Variants in ZNF223 observed in about 807,000 individuals in gnomAD.
ZNF223 encodes the protein zinc finger protein 223.
Under a neutral mutation model 12.3 loss-of-function variants are expected in ZNF223, and 9 were observed. That is an observed-to-expected ratio of 0.73 (90% CI 0.44 to 1.28). The LOEUF is 1.28. ZNF223 is among the 50% of genes most tolerant of loss of function. The probability of loss-of-function intolerance (pLI) is 0.00; values close to 1 mark genes in which losing one functional copy is unlikely to be tolerated. For synonymous variants in ZNF223, 171 were observed against 195.2 expected, an observed-to-expected ratio of 0.88 and a Z score of 1.03; for missense variants, 506 against 579.0, an observed-to-expected ratio of 0.87 and a Z score of 1.29.
intron 4 of ZNF223, among the ~76,000 whole-genome samples, chr19:44,062,138 C>A (rs372803845): frequency 6.6e-6 from 1 of 152,130 alleles, no homozygotes; most frequent in African/African-American, 2.4e-5. Context: ...CTGTAGGAAT[C>A]ATGGAGCTAG....
intron 4 of ZNF223, 125 bp downstream of exon 4, chr19:44,060,966 C>A: frequency 1.0e-6 from 1 of 976,676 alleles, no homozygotes; most frequent in East Asian, 2.4e-5. Context: ...TAACCTCCTT[C>A]CAGCTAGTGG....
intron 2 of ZNF223, among the ~76,000 whole-genome samples, chr19:44,059,331 T>A (rs1464252614): frequency 6.6e-6 from 1 of 152,180 alleles, no homozygotes; most frequent in Non-Finnish European, 1.5e-5. Flanking sequence ...TCTGCTGCCT[T>A]ACACCAGTTA....
In ZNF223 at chr19:44,066,507, A is replaced by G; in HGVS notation, c.679A>G (p.Thr227Ala). The change falls in exon 5 of 5, where the codon ACT becomes GCT. Residue 227 changes from threonine (T) to alanine (A), a missense_variant. Transcript: ENST00000434772. ...LHLQTHQRVH[T>A]GEKPFKCEQC... ...TCTGCAAACTCATCAGAGAGTCCAT[A>G]CTGGAGAGAAACCTTTCAAATGTGA... 2 of 1,614,226 alleles carry G rather than the reference A, an allele frequency of 1.2e-6. No homozygotes were observed. Among genetic ancestry groups the G allele is most frequent in the Non-Finnish European group, 1.7e-6 (2 of 1,180,028 alleles).
Position 44,066,411 on chromosome 19 carries a change from C to G in ZNF223, c.583C>G (p.Gln195Glu). The change falls in exon 5 of 5, where the codon CAG becomes GAG. Residue 195 changes from glutamine (Q) to glutamate (E), a missense_variant. By Grantham distance (29) the Gln-to-Glu change is conservative (BLOSUM62 2). Coordinates refer to ENST00000434772, the MANE Select transcript of ZNF223 (RefSeq NM_013361.6). ...TTACATCTCAGCGCTTCATATTCAT[C>G]AGAGAGTCCACCTGGGAGAGAAACT... The part of the protein sequence containing the change: ...FCYISALHIH[Q>E]RVHLGEKLFK... The G allele has an allele frequency of 6.2e-7, 1 of 1,612,874 alleles. No homozygotes were observed. The highest frequency in any genetic ancestry group is 2.2e-5 in the East Asian group (1 of 44,870).
At chr19:44,065,020 C>T (rs1426138938) in intron 4 of ZNF223, among the ~76,000 whole-genome samples, 2 of 152,144 alleles carry the variant, frequency 1.3e-5, no homozygotes, top group East Asian at 3.8e-4. Context: ...GACCTAAAGA[C>T]CTACATTAAA....
intron 2 of ZNF223, among the ~76,000 whole-genome samples, chr19:44,057,375 A>AT (rs1976783032): frequency 6.6e-6 from 1 of 152,220 alleles, no homozygotes; most frequent in Non-Finnish European, 1.5e-5. Flanking sequence ...ACTACTTACC[A>AT]TATCATCTTG....
At chr19:44,064,320 A>T (rs1976877893) in intron 4 of ZNF223, among the ~76,000 whole-genome samples, 1 of 152,178 alleles carries the variant, frequency 6.6e-6, no homozygotes, top group Non-Finnish European at 1.5e-5. Context: ...GTGATTCTTC[A>T]CATCATTGAT....
intron 4 of ZNF223, among the ~76,000 whole-genome samples, chr19:44,064,740 A>G (rs142343608): frequency 4.1e-4 from 62 of 152,260 alleles, no homozygotes; most frequent in African/African-American, 1.4e-3. Flanking sequence ...CAAGCAAAAG[A>G]TGCATATTAT....
chr19:44,056,570 A>G (rs1248355187), intron 2 of ZNF223, among the ~76,000 whole-genome samples: 1 of 138,536 alleles, frequency 7.2e-6, no homozygotes, highest in Non-Finnish European at 1.5e-5. Flanking sequence ...TCCTTATGGC[A>G]TAAAATGCCT....
chr19:44,061,528 G>A (rs1976839006), intron 4 of ZNF223, among the ~76,000 whole-genome samples: 1 of 152,162 alleles, frequency 6.6e-6, no homozygotes, highest in Admixed American at 6.5e-5. Flanking sequence ...CCAGAGTCAT[G>A]CTCCCTCTGC....
Position 44,066,418 on chromosome 19 carries a change from T to C in ZNF223, c.590T>C (p.Val197Ala), listed in dbSNP as rs768961563. ...YISALHIHQRVHLGEKLFKCD... is the reference protein window; with the variant it reads ...YISALHIHQRAHLGEKLFKCD... Reference sequence around the variant, plus strand: ...TCAGCGCTTCATATTCATCAGAGAGTCCACCTGGGAGAGAAACTCTTTAAG... The same window carrying C: ...TCAGCGCTTCATATTCATCAGAGAGCCCACCTGGGAGAGAAACTCTTTAAG... The change falls in exon 5 of 5, where the codon GTC (valine) becomes GCC (alanine). Residue 197 changes from valine (V) to alanine (A), a missense_variant. Val to Ala is a moderately conservative substitution (Grantham distance 64). Transcript: ENST00000434772. The C allele has an allele frequency of 2.5e-6, 4 of 1,612,768 alleles. No homozygotes were observed. In the Admixed American group the frequency reaches 6.7e-5, roughly 27 times the overall value.
chr19:44,061,479 A>G (rs1976838339), intron 4 of ZNF223, among the ~76,000 whole-genome samples: 1 of 152,028 alleles, frequency 6.6e-6, no homozygotes. Flanking sequence ...CCATTCCTCC[A>G]TCTTTGAAGG....
At chr19:44,062,634 C>T (rs554541583) in intron 4 of ZNF223, among the ~76,000 whole-genome samples, 1 of 151,890 alleles carries the variant, frequency 6.6e-6, no homozygotes, top group African/African-American at 2.4e-5. Context: ...CCTGTGGAAA[C>T]TTCTAAGCAT....
chr19:44,056,585 A>ATTTTTTTTT lies in ZNF223; in HGVS notation c.15+1412_15+1420dup, dbSNP rs775187674. On this transcript the variant is annotated intron_variant, in intron 2 of 4. Coordinates refer to ENST00000434772, the MANE Select transcript of ZNF223 (RefSeq NM_013361.6). ...TCCTTATGGCATAAAATGCCTCACC[A>ATTTTTTTTT]TTTTTTTTTTTTTTTTTTTTTTTTT... Among the ~76,000 whole-genome samples, 155 of 72,156 alleles carry ATTTTTTTTT rather than the reference A, an allele frequency of 2.1e-3. 12 individuals are homozygous for ATTTTTTTTT. Among genetic ancestry groups the ATTTTTTTTT allele is most frequent in the African/African-American group, 8.5e-3 (127 of 14,896 alleles). The allele number at this position is 72,156 out of a possible 152,430, so 47.3% of individuals were successfully genotyped here.
chr19:44,066,951 G>A lies in ZNF223; in HGVS notation c.1123G>A (p.Asp375Asn), dbSNP rs376071277. 6.2e-7 allele frequency: 1 copy of A among 1,614,092 alleles called. No individual in the cohort carries two copies. Among genetic ancestry groups the A allele is most frequent in the African/African-American group, 1.3e-5 (1 of 74,928 alleles). The stretch of plus-strand genomic sequence containing the variant: ...CACTGGAGAAAAGCCATACAAATGT[G>A]ACAAGTGTGGGAAGAGCTACATTAC... ...VHTGEKPYKC[D>N]KCGKSYITKS... The change falls in exon 5 of 5, where the codon GAC (aspartate) becomes AAC (asparagine). Residue 375 changes from aspartate to asparagine, a missense_variant. By Grantham distance (23) the Asp-to-Asn change is conservative. Coordinates refer to ENST00000434772, the MANE Select transcript of ZNF223 (RefSeq NM_013361.6).
Position 44,067,300 on chromosome 19 carries a change from A to G in ZNF223, c.*23A>G. ...TAAGTGTTGTACATATTTATGGGGT[A>G]CAGTGTGATATTTAAATATATGTAT... On this transcript the variant is annotated 3_prime_UTR_variant, in exon 5 of 5. Coordinates refer to ENST00000434772, the MANE Select transcript of ZNF223 (RefSeq NM_013361.6). 6.3e-7 allele frequency: 1 copy of G among 1,579,414 alleles called. No individual in the cohort carries two copies. Among genetic ancestry groups the G allele is most frequent in the Admixed American group, 1.8e-5 (1 of 56,892 alleles).
At position 44,060,733 on chromosome 19, in the gene ZNF223, C is replaced by A; in HGVS notation, c.143-16C>A. The A allele has an allele frequency of 6.2e-7, 1 of 1,613,934 alleles. No homozygotes were observed. The highest frequency in any genetic ancestry group is 8.5e-7 in the Non-Finnish European group (1 of 1,179,952). On this transcript the variant is annotated splice_polypyrimidine_tract_variant and intron_variant, in intron 3 of 4. Coordinates refer to ENST00000434772, the MANE Select transcript of ZNF223 (RefSeq NM_013361.6). ...GAATATGTTGGGATTAAGCATGTGA[C>A]TTTTCCTGTTTACAGGGCATCAACC...
At chr19:44,064,368 A>T (rs1378901018) in intron 4 of ZNF223, among the ~76,000 whole-genome samples, 1 of 152,162 alleles carries the variant, frequency 6.6e-6, no homozygotes, top group African/African-American at 2.4e-5. Flanking sequence ...GGACCTCTGG[A>T]AGGACAGCCT....
Position 44,066,475 on chromosome 19 carries a change from G to A in ZNF223, c.647G>A (p.Ser216Asn), listed in dbSNP as rs1301104777. 6.2e-7 allele frequency: 1 copy of A among 1,614,216 alleles called. No individual in the cohort carries two copies. Among genetic ancestry groups the A allele is most frequent in the African/African-American group, 1.3e-5 (1 of 75,054 alleles). Residue 216 changes from serine (S) to asparagine (N), a missense_variant, in exon 5 of 5, where the codon AGT becomes AAT. Coordinates refer to ENST00000434772, the MANE Select transcript of ZNF223 (RefSeq NM_013361.6). ...GTGTGTGGTAAGGAATTCAGTCAGA[G>A]TTTACATCTGCAAACTCATCAGAGA... The part of the protein sequence containing the change: ...CDVCGKEFSQ[S>N]LHLQTHQRVH...
Sources: gnomAD v4.1 joint callset for allele counts (sites outside exome capture counted in the v4.1 genomes callset) on GRCh38, gnomAD v4.1.1 for gene constraint, MANE v1.5 for transcripts, NCBI Gene and HGNC (gene_info 2026-07-23, HGNC 2026-07-21) for gene names.